The following ABTB3 variants were observed in gnomAD, a reference collection of about 807,000 sequenced individuals.
The protein encoded by ABTB3 is ankyrin repeat- and BTB/POZ domain-containing protein 3.
the ABTB3 span, among the ~76,000 whole-genome samples, chr12:107,387,037 G>T: frequency 6.6e-6 from 1 of 151,482 alleles, no homozygotes; most frequent in African/African-American, 2.4e-5. Context: ...GAGTGCAGTG[G>T]CGTGATCTTG....
chr12:107,429,015 G>A, the ABTB3 span, among the ~76,000 whole-genome samples: 1 of 152,256 alleles, frequency 6.6e-6, no homozygotes, highest in Non-Finnish European at 1.5e-5. Context: ...GCAGGTAGGG[G>A]AGGAAGGTCC....
chr12:107,542,367 C>G, the ABTB3 span, among the ~76,000 whole-genome samples: 2 of 150,868 alleles, frequency 1.3e-5, no homozygotes, highest in African/African-American at 4.9e-5. Flanking sequence ...TCCCAAAGTA[C>G]GCAACATATT....
the ABTB3 span, chr12:107,649,637 G>A: frequency 4.5e-6 from 1 of 223,456 alleles, no homozygotes; most frequent in East Asian, 1.0e-4. Context: ...GATATCATCA[G>A]GAAATATCCT....
the ABTB3 span, among the ~76,000 whole-genome samples, chr12:107,611,666 G>A: frequency 6.6e-6 from 1 of 152,234 alleles, no homozygotes; most frequent in Non-Finnish European, 1.5e-5. Context: ...TTTTTAAAAT[G>A]CAAATAGTGG....
At chr12:107,511,697 T>C in the ABTB3 span, among the ~76,000 whole-genome samples, 1 of 152,186 alleles carries the variant, frequency 6.6e-6, no homozygotes, top group East Asian at 1.9e-4. Context: ...CAAGATTTAA[T>C]GGATGGGCAA....
At chr12:107,565,146 T>C in the ABTB3 span, among the ~76,000 whole-genome samples, 1 of 152,048 alleles carries the variant, frequency 6.6e-6, no homozygotes, top group African/African-American at 2.4e-5. Context: ...AAAGAACTGA[T>C]GGGAAAGCCT....
the ABTB3 span, among the ~76,000 whole-genome samples, chr12:107,415,289 T>C: frequency 5.9e-5 from 9 of 152,110 alleles, no homozygotes; most frequent in East Asian, 1.3e-3. Flanking sequence ...CCCATTTTAA[T>C]TATTTGAGTA....
the ABTB3 span, among the ~76,000 whole-genome samples, chr12:107,436,957 C>A: frequency 7.2e-5 from 11 of 152,110 alleles, no homozygotes; most frequent in East Asian, 5.8e-4. Flanking sequence ...TGCATCCCCC[C>A]CCGCCGCACC....
At chr12:107,520,410 T>A in the ABTB3 span, 2 of 1,552,192 alleles carry the variant, frequency 1.3e-6, no homozygotes, top group Non-Finnish European at 1.7e-6. Context: ...TTGTGCAAGA[T>A]GTTGCACCCT....
At chr12:107,444,528 C>A in the ABTB3 span, among the ~76,000 whole-genome samples, 9 of 152,184 alleles carry the variant, frequency 5.9e-5, no homozygotes, top group Middle Eastern at 3.4e-3. Flanking sequence ...AGAATGCTCT[C>A]CAAGGTAGAT....
the ABTB3 span, among the ~76,000 whole-genome samples, chr12:107,604,298 T>C: frequency 6.6e-6 from 1 of 151,820 alleles, no homozygotes; most frequent in African/African-American, 2.4e-5. Flanking sequence ...AATACAAAAA[T>C]TAGCTGGGCA....
the ABTB3 span, among the ~76,000 whole-genome samples, chr12:107,351,707 C>A: frequency 6.6e-6 from 1 of 152,136 alleles, no homozygotes; most frequent in African/African-American, 2.4e-5. Flanking sequence ...GATGCAGCCC[C>A]TTGATCTTGG....
At chr12:107,382,914 AT>A in the ABTB3 span, among the ~76,000 whole-genome samples, 1 of 152,148 alleles carries the variant, frequency 6.6e-6, no homozygotes, top group Non-Finnish European at 1.5e-5. Context: ...TATAATAATA[AT>A]TAAAAGAAAA....
At chr12:107,496,420 T>C in the ABTB3 span, among the ~76,000 whole-genome samples, 3 of 152,136 alleles carry the variant, frequency 2.0e-5, no homozygotes, top group African/African-American at 7.2e-5. Flanking sequence ...ATTCTTTCCA[T>C]GGGAGAGGGC....
chr12:107,384,820 G>A, the ABTB3 span, among the ~76,000 whole-genome samples: 1 of 152,138 alleles, frequency 6.6e-6, no homozygotes, highest in African/African-American at 2.4e-5. Context: ...CTGCCGGCAA[G>A]GCTTGCAAGG....
the ABTB3 span, among the ~76,000 whole-genome samples, chr12:107,418,637 G>T: frequency 2.0e-5 from 3 of 152,346 alleles, no homozygotes; most frequent in South Asian, 6.2e-4. Context: ...ACAGCAGCAT[G>T]TTGCAGCCCA....
the ABTB3 span, among the ~76,000 whole-genome samples, chr12:107,397,593 C>T: frequency 4.0e-5 from 6 of 151,886 alleles, no homozygotes; most frequent in Non-Finnish European, 5.9e-5. Context: ...ATTTCTTGGG[C>T]TTTTTGTTGT....
At chr12:107,520,302 C>G in the ABTB3 span, 6 of 981,598 alleles carry the variant, frequency 6.1e-6, no homozygotes, top group African/African-American at 5.2e-5. Context: ...TTTGAAGAGA[C>G]CTTTGCAAAT....
the ABTB3 span, among the ~76,000 whole-genome samples, chr12:107,405,298 G>C: frequency 8.5e-5 from 13 of 152,324 alleles, no homozygotes; most frequent in East Asian, 2.3e-3. Context: ...TGCTGTTAAT[G>C]GTTATGTTTA....
Sources: gnomAD v4.1 joint callset for allele counts (sites outside exome capture counted in the v4.1 genomes callset) on GRCh38, gnomAD v4.1.1 for gene constraint, MANE v1.5 for transcripts, NCBI Gene and HGNC (gene_info 2026-07-23, HGNC 2026-07-21) for gene names.